The following FLRT1 variants were observed in gnomAD, a reference collection of about 807,000 sequenced individuals.
FLRT1 encodes leucine-rich repeat transmembrane protein FLRT1.
FLRT1 carries 14 observed loss-of-function variants against 30.9 expected under a neutral mutation model. The observed-to-expected ratio is 0.45, with a 90% confidence interval of 0.30 to 0.71. The LOEUF (loss-of-function observed/expected upper bound fraction) is 0.71, where lower values mean the gene tolerates loss of function less well. Among genes scored for constraint, FLRT1 ranks in the 30% least tolerant of loss-of-function variants. The pLI is 0.08. For missense variants in FLRT1, 737 were observed against 949.2 expected, an observed-to-expected ratio of 0.78 and a Z score of 2.94; for synonymous variants, 368 against 430.4, an observed-to-expected ratio of 0.85 and a Z score of 1.80.
intron 1 of FLRT1, among the ~76,000 whole-genome samples, chr11:64,061,600 G>T (rs1320258487): frequency 2.6e-5 from 4 of 152,178 alleles, no homozygotes; most frequent in African/African-American, 9.7e-5. Context: ...TGTGGATGGG[G>T]TCCGAATCTG....
At chr11:64,099,240 T>C (rs1277587046) in intron 1 of FLRT1, among the ~76,000 whole-genome samples, 2 of 152,256 alleles carry the variant, frequency 1.3e-5, no homozygotes, top group African/African-American at 4.8e-5. Flanking sequence ...CCCCGAAGGC[T>C]GGGCAAGGCG....
intron 1 of FLRT1, among the ~76,000 whole-genome samples, chr11:64,094,448 C>G (rs986411728): frequency 6.8e-6 from 1 of 147,992 alleles, no homozygotes; most frequent in African/African-American, 2.4e-5. Flanking sequence ...AAAAAAAATC[C>G]CAAAAAACAA....
intron 2 of FLRT1, among the ~76,000 whole-genome samples, chr11:64,114,408 C>CATGGATGGATGGAGGGATGGTTGAATGG (rs1944932510): frequency 1.1e-5 from 1 of 91,068 alleles, no homozygotes; most frequent in Non-Finnish European, 2.3e-5. Flanking sequence ...CAGGTGGATG[C>CATGGATGGATGGAGGGATGGTTGAATGG]ATGGATGGAT....
intron 1 of FLRT1, chr11:64,060,277 G>A (rs1943874973): frequency 6.6e-6 from 1 of 152,216 alleles, no homozygotes; most frequent in South Asian, 2.1e-4. Flanking sequence ...TCCGGGAGCG[G>A]CGGGAGGTCT....
intron 1 of FLRT1, among the ~76,000 whole-genome samples, chr11:64,050,237 C>T (rs1943667609): frequency 6.6e-6 from 1 of 152,156 alleles, no homozygotes; most frequent in African/African-American, 2.4e-5. Flanking sequence ...GATGACCCAT[C>T]CCCACAAGAG....
rs1014299788 is a variant in FLRT1 at position 64,096,608 on chromosome 11, G to A, written c.-1037-6586G>A. 1.3e-5 allele frequency among the ~76,000 whole-genome samples: 2 copies of A among 152,146 alleles called. No individual in the cohort carries two copies. Among genetic ancestry groups the A allele is most frequent in the Non-Finnish European group, 2.9e-5 (2 of 68,006 alleles). On this transcript the variant is annotated intron_variant, in intron 1 of 2. Transcript: ENST00000682287. The surrounding 1 kb of genome is among the most constrained non-coding windows in gnomAD (Gnocchi z 4.6). ...TTTTTTTATTTTTAGTAGACACGGG[G>A]GTATCAACATGTTGGCCAGGCTGGT...
intron 1 of FLRT1, among the ~76,000 whole-genome samples, chr11:64,094,529 A>AT (rs199795187): frequency 0.014 from 2,151 of 152,250 alleles, 44 homozygotes; most frequent in Non-Finnish European, 0.016. Context: ...TCAGTTAGAA[A>AT]TGAATGGCAG....
intron 1 of FLRT1, among the ~76,000 whole-genome samples, chr11:64,100,859 GGGGGT>G (rs947206775): frequency 3.3e-5 from 5 of 152,318 alleles, no homozygotes; most frequent in Admixed American, 6.5e-5. Flanking sequence ...CAGGGAAGGT[GGGGGT>G]GGGGGCTGCA....
chr11:64,091,348 C>T (rs928951285), intron 1 of FLRT1, among the ~76,000 whole-genome samples: 3 of 151,974 alleles, frequency 2.0e-5, no homozygotes, highest in South Asian at 2.1e-4. Flanking sequence ...AGTTTCCTGC[C>T]GTTACAATCT....
At position 64,117,387 on chromosome 11, in the gene FLRT1, G is replaced by C. The variant is rs138445479; in HGVS notation, c.1120G>C (p.Glu374Gln). The C allele has an allele frequency of 1.8e-4, 292 of 1,612,082 alleles. No individual in the cohort carries two copies. The highest frequency in any genetic ancestry group is 2.4e-4 in the Non-Finnish European group (283 of 1,178,496). Reference protein sequence around the residue: ...RGMAIKDITSEMDECFETGPQ... With the variant: ...RGMAIKDITSQMDECFETGPQ... ...CATGGCCATCAAGGACATTACCAGCGAGATGGACGAGTGTTTTGAGACGGG... is the reference window on the plus strand; with the variant it reads ...CATGGCCATCAAGGACATTACCAGCCAGATGGACGAGTGTTTTGAGACGGG... The change falls in exon 3 of 3, where the codon GAG (glutamate) becomes CAG (glutamine). Residue 374 changes from glutamate (E) to glutamine (Q), a missense_variant. Physicochemically the swap from Glu to Gln is conservative, Grantham distance 29. Coordinates refer to ENST00000682287, the MANE Select transcript of FLRT1 (RefSeq NM_013280.5).
intron 1 of FLRT1, among the ~76,000 whole-genome samples, chr11:64,057,687 C>A (rs1357444625): frequency 2.6e-5 from 4 of 152,228 alleles, no homozygotes; most frequent in African/African-American, 9.6e-5. Context: ...TCTGCTCCCC[C>A]ACTCTATCTG....
chr11:64,065,512 A>G (rs56348466), intron 1 of FLRT1, among the ~76,000 whole-genome samples: 16,741 of 152,258 alleles, frequency 0.11, 1,249 homozygotes, highest in Non-Finnish European at 0.15. Context: ...ACAAGGGGCC[A>G]GGCGCGGTGG....
Position 64,067,507 on chromosome 11 carries a change from A to G in FLRT1, c.-1038+31348A>G, listed in dbSNP as rs955535796. Among the ~76,000 whole-genome samples, 2 of 152,048 alleles carry G rather than the reference A, an allele frequency of 1.3e-5. No individual in the cohort carries two copies. Among genetic ancestry groups the G allele is most frequent in the Non-Finnish European group, 2.9e-5 (2 of 67,978 alleles). ...GGAGATAGGTCGGGGACGGGGACAG[A>G]CGGCACCTCCCCAACTCCCCAGCCC... On this transcript the variant is annotated intron_variant, in intron 1 of 2. Transcript: ENST00000682287. This position sits in a 1 kb window ranked among gnomAD's most constrained non-coding sequence, Gnocchi z 4.6.
At chr11:64,073,057 C>CGGCA (rs1325754602) in intron 1 of FLRT1, among the ~76,000 whole-genome samples, 1 of 152,196 alleles carries the variant, frequency 6.6e-6, no homozygotes, top group African/African-American at 2.4e-5. Context: ...CAGCTCCTGA[C>CGGCA]GGCACAGAGC....
chr11:64,070,536 A>C (rs1944088267), intron 1 of FLRT1, among the ~76,000 whole-genome samples: 1 of 152,170 alleles, frequency 6.6e-6, no homozygotes, highest in Non-Finnish European at 1.5e-5. Flanking sequence ...CCGAGAGCAG[A>C]GCTCGAGAAC....
At chr11:64,065,634 C>CA (rs779478622) in intron 1 of FLRT1, among the ~76,000 whole-genome samples, 6 of 151,026 alleles carry the variant, frequency 4.0e-5, no homozygotes, top group Non-Finnish European at 7.4e-5. Context: ...CTAAAAAATA[C>CA]AAAAAATTAG....
chr11:64,116,314 C>G lies in FLRT1; in HGVS notation c.47C>G (p.Ala16Gly). The G allele has an allele frequency of 6.2e-7, 1 of 1,608,634 alleles. No individual in the cohort carries two copies. Among genetic ancestry groups the G allele is most frequent in the East Asian group, 2.2e-5 (1 of 44,726 alleles). The change falls in exon 3 of 3, where the codon GCC becomes GGC. Residue 16 changes from alanine to glycine, a missense_variant. Physicochemically the swap from Ala to Gly is moderately conservative, Grantham distance 60 (BLOSUM62 0). Transcript: ENST00000682287. ...GCCACTGCCACCACCACGCCCACTG[C>G]CACTGTCACGGCCACCGTTGTGATG... is the stretch of plus-strand genomic sequence containing the variant. The part of the protein sequence containing the change: ...PTATATTTPT[A>G]TVTATVVMTT...
chr11:64,067,434 GC>G lies in FLRT1; in HGVS notation c.-1038+31278del, dbSNP rs1944025108. On this transcript the variant is annotated intron_variant, in intron 1 of 2. Coordinates refer to ENST00000682287, the MANE Select transcript of FLRT1 (RefSeq NM_013280.5). This position sits in a 1 kb window ranked among gnomAD's most constrained non-coding sequence, Gnocchi z 4.6. ...TTTCAGCTCACAAATCATGCCCCCG[GC>G]CCAGGTGACAGCCAGCACAGACGCC... 6.6e-6 allele frequency among the ~76,000 whole-genome samples: 1 copy of G among 152,132 alleles called. No homozygotes were observed. Among genetic ancestry groups the G allele is most frequent in the African/African-American group, 2.4e-5 (1 of 41,422 alleles).
chr11:64,112,329 T>C (rs181024749), intron 2 of FLRT1, among the ~76,000 whole-genome samples: 1 of 152,104 alleles, frequency 6.6e-6, no homozygotes, highest in Admixed American at 6.5e-5. Flanking sequence ...CTGGCCAACA[T>C]GGTGAGACCC....
Sources: gnomAD v4.1 joint callset for allele counts (sites outside exome capture counted in the v4.1 genomes callset) on GRCh38, gnomAD v4.1.1 for gene constraint, Gnocchi (gnomAD v3.1) non-coding constraint, MANE v1.5 for transcripts, NCBI Gene and HGNC (gene_info 2026-07-23, HGNC 2026-07-21) for gene names.